The following KDM4B variants were observed in gnomAD, a reference collection of about 807,000 sequenced individuals.
KDM4B encodes lysine-specific demethylase 4B.
KDM4B carries 32 observed loss-of-function variants against 125.2 expected under a neutral mutation model. The observed-to-expected ratio is 0.26, with a 90% CI of 0.19 to 0.34. The LOEUF is 0.34. Among genes scored for constraint, KDM4B ranks in the 10% least tolerant of loss-of-function variants. The pLI is 1.00. For synonymous variants in KDM4B, 721 were observed against 677.9 expected, an observed-to-expected ratio of 1.06 and a Z score of -0.99; for missense variants, 1,190 against 1,577.7, an observed-to-expected ratio of 0.75 and a Z score of 4.16.
chr19:4,996,302 T>C (rs1339098166), intron 1 of KDM4B, among the ~76,000 whole-genome samples: 2 of 152,164 alleles, frequency 1.3e-5, no homozygotes, highest in African/African-American at 4.8e-5. Context: ...TTTTTTCTCT[T>C]TTAAACAATG....
At chr19:4,977,304 A>G (rs2034481263) in intron 1 of KDM4B, among the ~76,000 whole-genome samples, 1 of 152,206 alleles carries the variant, frequency 6.6e-6, no homozygotes, top group African/African-American at 2.4e-5. Context: ...CCGACTGCCC[A>G]GTGGCTGCTG....
chr19:5,135,654 C>A, intron 15 of KDM4B, 93 bp downstream of exon 15: 3 of 1,061,228 alleles, frequency 2.8e-6, no homozygotes, highest in Non-Finnish European at 4.0e-6. Flanking sequence ...CTGCGGAGGG[C>A]CACACCGGCC....
At chr19:5,140,724 G>A (rs944704309) in intron 18 of KDM4B, 1 of 149,410 alleles carries the variant, frequency 6.7e-6, no homozygotes, top group African/African-American at 2.5e-5. Flanking sequence ...GACAGAGTAA[G>A]ACTCTGTCTC....
intron 21 of KDM4B, among the ~76,000 whole-genome samples, chr19:5,146,803 T>TA: frequency 8.0e-6 from 1 of 124,762 alleles, no homozygotes; most frequent in African/African-American, 3.0e-5. Context: ...TAGCTGGGCA[T>TA]GGTAGTGTGC....
chr19:5,077,056 C>T (rs2038139121), intron 7 of KDM4B: 1 of 363,820 alleles, frequency 2.7e-6, no homozygotes, highest in Non-Finnish European at 5.0e-6. Context: ...TTGGCTGCCC[C>T]TGCTGCTGGG....
At chr19:5,130,049 C>T (rs1456170353) in intron 11 of KDM4B, among the ~76,000 whole-genome samples, 2 of 152,196 alleles carry the variant, frequency 1.3e-5, no homozygotes, top group African/African-American at 4.8e-5. Context: ...ATCTAGAGGC[C>T]CCTGCATCCC....
At chr19:5,147,505 G>A (rs2039872118) in intron 21 of KDM4B, among the ~76,000 whole-genome samples, 1 of 152,174 alleles carries the variant, frequency 6.6e-6, no homozygotes, top group Non-Finnish European at 1.5e-5. Flanking sequence ...AGCACTGTGG[G>A]AGGCTGAGGT....
rs1173494801 is a variant in KDM4B at position 5,141,930 on chromosome 19, C to G, written c.2551-2037C>G. ...ACCAGCTCTCTCCACTGCCCACAGT[C>G]CTGCCTGGAGGGGTAGGGCTCGGTC... On this transcript the variant is annotated intron_variant, in intron 18 of 22. Coordinates refer to ENST00000159111, the MANE Select transcript of KDM4B (RefSeq NM_015015.3). The surrounding 1 kb of genome is among the most constrained non-coding windows in gnomAD (Gnocchi z 6.4). Among the ~76,000 whole-genome samples the G allele has an allele frequency of 6.6e-6, 1 of 152,150 alleles. No individual in the cohort carries two copies. Among genetic ancestry groups the G allele is most frequent in the Non-Finnish European group, 1.5e-5 (1 of 68,016 alleles).
At chr19:5,139,663 C>T (rs757269943) in intron 18 of KDM4B, among the ~76,000 whole-genome samples, 2 of 152,222 alleles carry the variant, frequency 1.3e-5, no homozygotes, top group Non-Finnish European at 2.9e-5. Context: ...GTTCTCCTGG[C>T]GGTCAGTGAC....
chr19:5,070,761 A>C, intron 6 of KDM4B: 2 of 425,818 alleles, frequency 4.7e-6, no homozygotes, highest in South Asian at 4.0e-5. Flanking sequence ...TGGCTTTCTG[A>C]GTGTGTCACA....
intron 1 of KDM4B, among the ~76,000 whole-genome samples, chr19:5,007,190 G>A (rs1338132431): frequency 6.6e-6 from 1 of 152,230 alleles, no homozygotes; most frequent in Non-Finnish European, 1.5e-5. Flanking sequence ...TCTCAGGACT[G>A]GAATATGAAT....
chr19:5,049,805 G>C (rs2037161473), intron 6 of KDM4B, among the ~76,000 whole-genome samples: 1 of 152,168 alleles, frequency 6.6e-6, no homozygotes, highest in Non-Finnish European at 1.5e-5. Context: ...CTCCCAGCAG[G>C]GGCCTGGCAC....
chr19:5,086,201 C>G (rs1180122112), intron 9 of KDM4B, among the ~76,000 whole-genome samples: 1 of 151,942 alleles, frequency 6.6e-6, no homozygotes, highest in African/African-American at 2.4e-5. Flanking sequence ...TGCCCCCCCC[C>G]ACCCCGTTGT....
Position 5,082,547 on chromosome 19 carries a change from G to A in KDM4B, c.918+43G>A, listed in dbSNP as rs746702300. 6.5e-7 allele frequency: 1 copy of A among 1,533,988 alleles called. No individual in the cohort carries two copies. The highest frequency in any genetic ancestry group is 8.7e-7 in the Non-Finnish European group (1 of 1,145,444). ...GGGAACGGGTCCCAGCAGGGCGGGA[G>A]GAGGCTCTTTTTTGCCTCTGCAGCC... On this transcript the variant is annotated intron_variant, in intron 9 of 22. Transcript: ENST00000159111. This position sits in a 1 kb window ranked among gnomAD's most constrained non-coding sequence, Gnocchi z 5.4.
At chr19:5,119,614 C>T (rs1160830048) in intron 10 of KDM4B, 39 bp from the exon 11 acceptor site, 10 of 1,535,192 alleles carry the variant, frequency 6.5e-6, no homozygotes, top group Middle Eastern at 1.7e-4. Context: ...CTCTTCCCTC[C>T]CTGGTCTCCC....
chr19:5,050,527 G>A (rs1599504739), intron 6 of KDM4B, among the ~76,000 whole-genome samples: 1 of 152,248 alleles, frequency 6.6e-6, no homozygotes, highest in African/African-American at 2.4e-5. Flanking sequence ...CCTGGGTGGG[G>A]TGGTGGCCTG....
chr19:5,085,934 G>T (rs949315533), intron 9 of KDM4B, among the ~76,000 whole-genome samples: 1 of 152,190 alleles, frequency 6.6e-6, no homozygotes, highest in African/African-American at 2.4e-5. Flanking sequence ...GCAGGGAAAC[G>T]GCCCAGGTCA....
chr19:5,108,386 T>C (rs1299025906), intron 9 of KDM4B, among the ~76,000 whole-genome samples: 1 of 152,174 alleles, frequency 6.6e-6, no homozygotes, highest in African/African-American at 2.4e-5. Context: ...CAGCCACAAA[T>C]ATTCCCTCCT....
At chr19:5,118,125 A>G (rs2039292489) in intron 10 of KDM4B, among the ~76,000 whole-genome samples, 1 of 151,994 alleles carries the variant, frequency 6.6e-6, no homozygotes, top group Non-Finnish European at 1.5e-5. Flanking sequence ...AGGTCCTGGT[A>G]ACAGAAGCCC....
Sources: gnomAD v4.1 joint callset for allele counts (sites outside exome capture counted in the v4.1 genomes callset) on GRCh38, gnomAD v4.1.1 for gene constraint, Gnocchi (gnomAD v3.1) non-coding constraint, MANE v1.5 for transcripts, NCBI Gene and HGNC (gene_info 2026-07-23, HGNC 2026-07-21) for gene names.